PHF20: variants seen among roughly 807,000 people sequenced by gnomAD.
PHF20 encodes PHD finger protein 20, also known as glioma-expressed antigen 2.
Under a neutral mutation model 113.5 loss-of-function variants are expected in PHF20, and 23 were observed. That is an observed-to-expected ratio of 0.20 (90% CI 0.15 to 0.29). The LOEUF is 0.29. Ranked by LOEUF, PHF20 falls within the 10% of genes least tolerant of loss-of-function variation. The probability of loss-of-function intolerance (pLI) is 1.00; values close to 1 mark genes in which losing one functional copy is unlikely to be tolerated. For missense variants in PHF20, 943 were observed against 1,219.6 expected (o/e 0.77, Z 3.38); for synonymous variants, 434 against 457.3 (o/e 0.95, Z 0.65).
rs762742468 is a variant in PHF20 at position 35,804,253 on chromosome 20, A to G, written c.83+2648A>G. 1.9e-4 allele frequency among the ~76,000 whole-genome samples: 13 copies of G among 67,298 alleles called. 1 individual carries two copies. The highest frequency in any genetic ancestry group is 5.9e-4 in the African/African-American group (9 of 15,164). 44.2% of individuals were successfully genotyped at this position (67,298 alleles called of 152,430 possible). ...TGTTTTTTTTTTTTTTTTTTTTTTG[A>G]GACGTAGTCTTGCTCAGTCGCCCAG... On this transcript the variant is annotated intron_variant, in intron 2 of 17. Transcript: ENST00000374012.
At chr20:35,815,952 C>T (rs548382224) in intron 2 of PHF20, among the ~76,000 whole-genome samples, 1 of 152,180 alleles carries the variant, frequency 6.6e-6, no homozygotes, top group Non-Finnish European at 1.5e-5. Flanking sequence ...TGACAAAAGG[C>T]ATTTATATAT....
chr20:35,916,131 C>A (rs1233011089), intron 12 of PHF20, among the ~76,000 whole-genome samples: 1 of 151,916 alleles, frequency 6.6e-6, no homozygotes, highest in Non-Finnish European at 1.5e-5. Flanking sequence ...GACCCTGTCT[C>A]AAAAATAAGT....
chr20:35,852,028 C>T (rs1297980097), intron 4 of PHF20, among the ~76,000 whole-genome samples: 2 of 152,054 alleles, frequency 1.3e-5, no homozygotes, highest in Non-Finnish European at 2.9e-5. Flanking sequence ...CATATCTTAT[C>T]GTATTTAGTC....
At chr20:35,919,109 C>T (rs1300182111) in intron 13 of PHF20, among the ~76,000 whole-genome samples, 1 of 151,814 alleles carries the variant, frequency 6.6e-6, no homozygotes, top group Non-Finnish European at 1.5e-5. Context: ...CTCTGCCTCC[C>T]AGGTTCAAGC....
chr20:35,835,485 C>T (rs1369805646), intron 2 of PHF20, among the ~76,000 whole-genome samples: 9 of 152,146 alleles, frequency 5.9e-5, no homozygotes, highest in African/African-American at 2.2e-4. Flanking sequence ...TTGGACAGAT[C>T]TCATTTATAA....
intron 13 of PHF20, among the ~76,000 whole-genome samples, chr20:35,923,755 A>C (rs1006949376): frequency 1.3e-5 from 2 of 152,096 alleles, no homozygotes; most frequent in Non-Finnish European, 2.9e-5. Flanking sequence ...TTTTATTTTT[A>C]TATTTTCCTA....
At chr20:35,870,033 G>C (rs2054390140) in intron 7 of PHF20, among the ~76,000 whole-genome samples, 1 of 150,906 alleles carries the variant, frequency 6.6e-6, no homozygotes, top group Non-Finnish European at 1.5e-5. Flanking sequence ...GGCCAGGCGC[G>C]GTAGCTCACG....
intron 4 of PHF20, among the ~76,000 whole-genome samples, chr20:35,848,788 T>G (rs754812549): frequency 4.6e-5 from 7 of 151,338 alleles, no homozygotes; most frequent in Non-Finnish European, 8.8e-5. Context: ...GCCCAGGAGT[T>G]TGAGGCTACA....
chr20:35,913,188 A>T lies in PHF20; in HGVS notation c.1562-61A>T, dbSNP rs1388512961. On this transcript the variant is annotated intron_variant, in intron 10 of 17. Coordinates refer to ENST00000374012, the MANE Select transcript of PHF20 (RefSeq NM_016436.5). ...ATCGGACATGCTTGCTTAGGAGAAG[A>T]ATAAGCACCCCAGCATTGAAAACAA... 3.2e-6 allele frequency: 4 copies of T among 1,234,420 alleles called. No homozygotes were observed. In the Admixed American group the frequency reaches 7.3e-5, roughly 23 times the overall value. 76.5% of individuals were successfully genotyped at this position (1,234,420 alleles called of 1,614,324 possible).
intron 1 of PHF20, among the ~76,000 whole-genome samples, chr20:35,778,172 AT>A (rs1384436673): frequency 2.0e-5 from 3 of 152,084 alleles, no homozygotes; most frequent in African/African-American, 4.8e-5. Context: ...CAACCTGTGC[AT>A]CCTGAATTCA....
At chr20:35,793,995 C>CAAAAAAAAAAAAAACAAAAAAAAA (rs2041614730) in intron 1 of PHF20, among the ~76,000 whole-genome samples, 1 of 33,836 alleles carries the variant, frequency 3.0e-5, no homozygotes, top group Non-Finnish European at 5.5e-5. Flanking sequence ...GACTCTGTCT[C>CAAAAAAAAAAAAAACAAAAAAAAA]AAAAAAAAAA....
chr20:35,871,559 AAGTCCCTGGCTTT>A, intron 8 of PHF20, 78 bp from the exon 9 acceptor site: 1 of 1,070,312 alleles, frequency 9.3e-7, no homozygotes, highest in Non-Finnish European at 1.3e-6. Flanking sequence ...TTCCTCTAAA[AAGTCCCTGGCTTT>A]CTTAGACTGT....
At chr20:35,870,884 T>G (rs1216483723) in intron 7 of PHF20, 71 bp from the exon 8 acceptor site, 5 of 1,174,484 alleles carry the variant, frequency 4.3e-6, no homozygotes, top group Non-Finnish European at 3.6e-6. Context: ...CATCCAGCCC[T>G]GAAATCTGTA....
intron 2 of PHF20, among the ~76,000 whole-genome samples, chr20:35,840,643 A>G (rs957028574): frequency 6.6e-6 from 1 of 152,152 alleles, no homozygotes; most frequent in African/African-American, 2.4e-5. Context: ...GCTCTGGCTT[A>G]TTGCAGACCA....
intron 1 of PHF20, among the ~76,000 whole-genome samples, chr20:35,786,729 T>G (rs934818899): frequency 6.6e-6 from 1 of 152,122 alleles, no homozygotes; most frequent in Non-Finnish European, 1.5e-5. Flanking sequence ...ATAGACTATA[T>G]CACTCAGAGA....
At chr20:35,836,620 G>A (rs992147414) in intron 2 of PHF20, among the ~76,000 whole-genome samples, 3 of 152,052 alleles carry the variant, frequency 2.0e-5, no homozygotes, top group Admixed American at 6.6e-5. Flanking sequence ...CGAGGCGGGC[G>A]GATCACGAGG....
intron 1 of PHF20, among the ~76,000 whole-genome samples, chr20:35,798,142 A>G (rs2041704912): frequency 6.6e-6 from 1 of 152,148 alleles, no homozygotes; most frequent in Admixed American, 6.6e-5. Flanking sequence ...GCTGGGTACC[A>G]TGGCTCATGC....
chr20:35,850,309 T>TTTTTTTTG (rs1568650641), intron 4 of PHF20, among the ~76,000 whole-genome samples: 1 of 100,658 alleles, frequency 9.9e-6, no homozygotes, highest in Non-Finnish European at 1.9e-5. Context: ...TTTTTTTTTT[T>TTTTTTTTG]TTTTTTTTTT....
chr20:35,814,881 A>T (rs1198603732), intron 2 of PHF20, among the ~76,000 whole-genome samples: 1 of 144,842 alleles, frequency 6.9e-6, no homozygotes, highest in African/African-American at 2.6e-5. Context: ...TCAAAAAAAA[A>T]AAAAAAAAAT....
Sources: gnomAD v4.1 joint callset for allele counts (sites outside exome capture counted in the v4.1 genomes callset) on GRCh38, gnomAD v4.1.1 for gene constraint, MANE v1.5 for transcripts, NCBI Gene and HGNC (gene_info 2026-07-23, HGNC 2026-07-21) for gene names.